Variants in PKHD1 observed in about 807,000 individuals in gnomAD.
PKHD1 encodes the protein PKHD1 ciliary IPT domain containing fibrocystin/polyductin, also known as fibrocystin.
A neutral mutation model predicts 412.0 loss-of-function variants in PKHD1; 291 were observed. The ratio of observed to expected loss-of-function variants is 0.71; its 90% CI spans 0.64 to 0.78. The LOEUF is 0.78. Ranked by LOEUF, PKHD1 falls within the 30% of genes least tolerant of loss-of-function variation. The pLI is 0.00. For missense variants in PKHD1, 4,825 were observed against 4,950.7 expected, an observed-to-expected ratio of 0.97 and a Z score of 0.76; for synonymous variants, 1,777 against 1,821.5, an observed-to-expected ratio of 0.98 and a Z score of 0.62.
At chr6:51,764,698 C>A (rs181611976) in intron 55 of PKHD1, among the ~76,000 whole-genome samples, 1 of 152,076 alleles carries the variant, frequency 6.6e-6, no homozygotes, top group Non-Finnish European at 1.5e-5. Context: ...GATTAAAATT[C>A]TTGATATTGC....
intron 23 of PKHD1, 141 bp from the exon 24 acceptor site, chr6:52,046,329 T>C: frequency 1.3e-6 from 1 of 765,714 alleles, no homozygotes; most frequent in Non-Finnish European, 2.3e-6. Flanking sequence ...AGAACTTCAG[T>C]AGAATCCCCA....
At chr6:51,676,422 A>AT (rs1296667944) in intron 60 of PKHD1, among the ~76,000 whole-genome samples, 1 of 152,044 alleles carries the variant, frequency 6.6e-6, no homozygotes, top group Non-Finnish European at 1.5e-5. Flanking sequence ...AACATTAATG[A>AT]TTTTTTCCTT....
intron 50 of PKHD1, among the ~76,000 whole-genome samples, chr6:51,846,572 C>T (rs1461829056): frequency 6.6e-6 from 1 of 152,130 alleles, no homozygotes; most frequent in East Asian, 1.9e-4. Flanking sequence ...CCAATGCTGA[C>T]ATGGTATAGA....
chr6:51,673,946 C>T (rs190378814), intron 60 of PKHD1, among the ~76,000 whole-genome samples: 10 of 152,022 alleles, frequency 6.6e-5, no homozygotes, highest in East Asian at 3.9e-4. Flanking sequence ...TTTGGAGGAA[C>T]GGAGTAAAAG....
chr6:52,068,098 TC>T (rs1314804573), intron 11 of PKHD1, among the ~76,000 whole-genome samples: 1 of 152,210 alleles, frequency 6.6e-6, no homozygotes, highest in East Asian at 1.9e-4. Flanking sequence ...TTAGATGAAT[TC>T]CAAGATTCTT....
chr6:51,698,011 C>A (rs184040229), intron 60 of PKHD1, among the ~76,000 whole-genome samples: 14 of 152,314 alleles, frequency 9.2e-5, no homozygotes, highest in Admixed American at 9.2e-4. Context: ...CCAATTAAAT[C>A]ATCCCTTTCT....
chr6:51,769,209 G>GAAT, intron 55 of PKHD1, among the ~76,000 whole-genome samples: 1 of 151,450 alleles, frequency 6.6e-6, no homozygotes, highest in South Asian at 2.1e-4. Context: ...AATTAACTGG[G>GAAT]AATAGATTAT....
Position 51,880,779 on chromosome 6 carries a change from TAAAAAAAAAAAAAA to T in PKHD1, c.7350+2300_7350+2313del, listed in dbSNP as rs71544105. 4.0e-3 allele frequency among the ~76,000 whole-genome samples: 119 copies of T among 30,048 alleles called. 20 individuals are homozygous for T. The South Asian group carries it at 0.11, about 28-fold the overall frequency. The allele number at this position is 30,048 out of a possible 152,430, so 19.7% of individuals were successfully genotyped here. A position where few individuals can be genotyped will look rare whatever the true frequency, so the allele number is the denominator to read the frequency against. On this transcript the variant is annotated intron_variant, in intron 46 of 66. Transcript: ENST00000371117. Reference sequence around the variant, plus strand: ...CTTAGAGTATAATAAAAAAAAAAATTAAAAAAAAAAAAAAAAAAAAAAAAAAAACACAAAAAATT... The same window carrying T: ...CTTAGAGTATAATAAAAAAAAAAATTAAAAAAAAAAAAAACACAAAAAATT...
intron 63 of PKHD1, among the ~76,000 whole-genome samples, chr6:51,647,569 T>A (rs1406298151): frequency 6.6e-6 from 1 of 152,174 alleles, no homozygotes; most frequent in African/African-American, 2.4e-5. Context: ...GCACTTATCA[T>A]CACATTTATT....
intron 55 of PKHD1, among the ~76,000 whole-genome samples, chr6:51,766,654 T>C (rs911842993): frequency 4.0e-5 from 6 of 151,768 alleles, no homozygotes; most frequent in Non-Finnish European, 8.8e-5. Context: ...AAAATATTAG[T>C]CCTTCATCTG....
intron 6 of PKHD1, among the ~76,000 whole-genome samples, chr6:52,074,014 A>T (rs1485158535): frequency 6.6e-6 from 1 of 152,226 alleles, no homozygotes; most frequent in Non-Finnish European, 1.5e-5. Context: ...GGCTCATATC[A>T]CACAATCTGA....
At chr6:51,857,407 G>A (rs1028555797) in intron 48 of PKHD1, among the ~76,000 whole-genome samples, 7 of 152,174 alleles carry the variant, frequency 4.6e-5, no homozygotes, top group African/African-American at 1.7e-4. Context: ...TTATAAGCCC[G>A]TGGAATAATT....
chr6:51,666,709 A>C (rs1468084735), intron 60 of PKHD1, among the ~76,000 whole-genome samples: 1 of 106,480 alleles, frequency 9.4e-6, no homozygotes, highest in Non-Finnish European at 1.8e-5. Flanking sequence ...CCCACCCCAC[A>C]ACAGTCCCCA....
intron 50 of PKHD1, among the ~76,000 whole-genome samples, chr6:51,838,545 G>A (rs1562430558): frequency 6.6e-6 from 1 of 152,222 alleles, no homozygotes; most frequent in Admixed American, 6.5e-5. Flanking sequence ...ATGCCAGTCA[G>A]TGAAGAGAAG....
intron 60 of PKHD1, among the ~76,000 whole-genome samples, chr6:51,677,328 T>C (rs1252239054): frequency 6.6e-6 from 1 of 152,130 alleles, no homozygotes. Context: ...GGATGCACTC[T>C]AATAGCTAGT....
chr6:51,830,005 A>T (rs1767972512), intron 52 of PKHD1, among the ~76,000 whole-genome samples: 1 of 152,204 alleles, frequency 6.6e-6, no homozygotes, highest in Non-Finnish European at 1.5e-5. Context: ...GGATTAAATT[A>T]GTTGGTACAT....
chr6:51,841,864 C>T (rs1235758838), intron 50 of PKHD1, among the ~76,000 whole-genome samples: 1 of 152,182 alleles, frequency 6.6e-6, no homozygotes, highest in African/African-American at 2.4e-5. Flanking sequence ...GGCTCCAGGG[C>T]CCTTGTTGCA....
Position 51,846,799 on chromosome 6 carries a change from A to G in PKHD1, c.8107+976T>C, listed in dbSNP as rs1319917784. Among the ~76,000 whole-genome samples the G allele has an allele frequency of 2.0e-5, 3 of 152,012 alleles. No homozygotes were observed. The East Asian group carries it at 5.8e-4, about 29-fold the overall frequency. On this transcript the variant is annotated intron_variant, in intron 50 of 66. Transcript: ENST00000371117. ...AGTGCTCATATCAGCCCTCCATGCT[A>G]CTCATCTTCCTGACCTCAGATTCTC...
At chr6:51,664,519 T>A (rs1391901613) in intron 60 of PKHD1, among the ~76,000 whole-genome samples, 1 of 152,172 alleles carries the variant, frequency 6.6e-6, no homozygotes, top group African/African-American at 2.4e-5. Flanking sequence ...CCATTGGCAT[T>A]TTGTATGAAT....
Sources: gnomAD v4.1 joint callset for allele counts (sites outside exome capture counted in the v4.1 genomes callset) on GRCh38, gnomAD v4.1.1 for gene constraint, MANE v1.5 for transcripts, NCBI Gene and HGNC (gene_info 2026-07-23, HGNC 2026-07-21) for gene names.